The following AUTS2 variants were observed in gnomAD, a reference collection of about 807,000 sequenced individuals.
The protein encoded by AUTS2 is activator of transcription and developmental regulator AUTS2, also known as autism susceptibility gene 2 protein.
In AUTS2, 17 loss-of-function variants were observed where a neutral mutation model predicts 112.4. That is an observed-to-expected ratio of 0.15 (90% CI 0.10 to 0.23). AUTS2 has a LOEUF of 0.23. Among genes scored for constraint, AUTS2 ranks in the 10% least tolerant of loss-of-function variants. The probability of loss-of-function intolerance (pLI) is 1.00; values close to 1 mark genes in which losing one functional copy is unlikely to be tolerated. For synonymous variants in AUTS2, 751 were observed against 702.7 expected, an observed-to-expected ratio of 1.07 and a Z score of -1.09; for missense variants, 1,510 against 1,701.6, an observed-to-expected ratio of 0.89 and a Z score of 1.98.
At chr7:70,700,714 T>C (rs1238107576) in intron 6 of AUTS2, among the ~76,000 whole-genome samples, 1 of 152,184 alleles carries the variant, frequency 6.6e-6, no homozygotes, top group Non-Finnish European at 1.5e-5. Flanking sequence ...GTAGCGATAA[T>C]GTCAATAATT....
chr7:70,389,527 A>C (rs1793756555), intron 4 of AUTS2, among the ~76,000 whole-genome samples: 1 of 152,152 alleles, frequency 6.6e-6, no homozygotes, highest in South Asian at 2.1e-4. Context: ...TGAGCTCCAA[A>C]CTTTTCCTTG....
At chr7:70,620,812 G>A (rs1804632628) in intron 5 of AUTS2, among the ~76,000 whole-genome samples, 1 of 152,124 alleles carries the variant, frequency 6.6e-6, no homozygotes, top group African/African-American at 2.4e-5. Flanking sequence ...CCTCTTTGTT[G>A]TGTTTTTGTT....
rs147658431 is a variant in AUTS2 at position 70,570,227 on chromosome 7, C to T, written c.691-128342C>T. 1.3e-3 allele frequency among the ~76,000 whole-genome samples: 205 copies of T among 152,310 alleles called. 1 individual carries two copies. The highest frequency in any genetic ancestry group is 4.8e-3 in the African/African-American group (201 of 41,566). ...TCATACAAGTTTAAATCCTCGCTCA[C>T]TCCTGAATGAGGTGGTTGGGCTTGG... is the stretch of plus-strand genomic sequence containing the variant. On this transcript the variant is annotated intron_variant, in intron 5 of 18. Transcript: ENST00000342771.
Position 70,238,949 on chromosome 7 carries a change from T to G in AUTS2, c.660+104378T>G, listed in dbSNP as rs1036114801. On this transcript the variant is annotated intron_variant, in intron 4 of 18. Coordinates refer to ENST00000342771, the MANE Select transcript of AUTS2 (RefSeq NM_015570.4). Reference sequence around the variant, plus strand: ...ATTAGTAGAACTCCCTAATTAAGTATTTGCTTTGAGCAATAGAGCTCTTAT... The same window carrying G: ...ATTAGTAGAACTCCCTAATTAAGTAGTTGCTTTGAGCAATAGAGCTCTTAT... Among the ~76,000 whole-genome samples the G allele has an allele frequency of 4.6e-5, 7 of 152,268 alleles. No individual in the cohort carries two copies. The South Asian group carries it at 1.5e-3, about 32-fold the overall frequency.
intron 1 of AUTS2, among the ~76,000 whole-genome samples, chr7:69,895,592 T>C (rs901458961): frequency 6.9e-6 from 1 of 144,922 alleles, no homozygotes; most frequent in Non-Finnish European, 1.5e-5. Context: ...CTAAGATGAT[T>C]GTACTACTGC....
At chr7:70,108,783 C>CAAAAAAAAAAAAAAA (rs528009205) in intron 2 of AUTS2, among the ~76,000 whole-genome samples, 1 of 69,182 alleles carries the variant, frequency 1.4e-5, no homozygotes, top group African/African-American at 5.4e-5. Context: ...GCCAACATGG[C>CAAAAAAAAAAAAAAA]AAAAAAAAAA....
intron 5 of AUTS2, among the ~76,000 whole-genome samples, chr7:70,688,082 G>A (rs6946693): frequency 6.6e-6 from 1 of 151,986 alleles, no homozygotes; most frequent in Non-Finnish European, 1.5e-5. Flanking sequence ...AGTGGGCACC[G>A]AAGTCAAAAT....
chr7:70,607,102 C>G (rs1803823097), intron 5 of AUTS2, among the ~76,000 whole-genome samples: 1 of 152,094 alleles, frequency 6.6e-6, no homozygotes, highest in South Asian at 2.1e-4. Flanking sequence ...GGCCCAGGGG[C>G]CCCACTGCAC....
At chr7:69,659,050 C>A (rs138158756) in intron 1 of AUTS2, among the ~76,000 whole-genome samples, 2 of 152,320 alleles carry the variant, frequency 1.3e-5, no homozygotes, top group East Asian at 1.9e-4. Flanking sequence ...CAGCAACTGG[C>A]AGATGTTTGG....
chr7:69,774,437 C>T (rs1788807881), intron 1 of AUTS2, among the ~76,000 whole-genome samples: 1 of 152,168 alleles, frequency 6.6e-6, no homozygotes. Context: ...GTCCGGGATA[C>T]AGTCAAAAAT....
intron 2 of AUTS2, among the ~76,000 whole-genome samples, chr7:69,939,264 A>G (rs1299433253): frequency 6.6e-6 from 1 of 152,214 alleles, no homozygotes; most frequent in Non-Finnish European, 1.5e-5. Context: ...TCTCCTATTC[A>G]TTTCTAAGGA....
chr7:69,742,345 G>C (rs1787305424), intron 1 of AUTS2, among the ~76,000 whole-genome samples: 1 of 152,040 alleles, frequency 6.6e-6, no homozygotes, highest in Non-Finnish European at 1.5e-5. Context: ...TGGATACACA[G>C]TTCTAGGGGG....
chr7:70,723,064 G>C (rs149138058), intron 6 of AUTS2, among the ~76,000 whole-genome samples: 3 of 152,150 alleles, frequency 2.0e-5, no homozygotes, highest in African/African-American at 7.2e-5. Context: ...GGAAAGTGAC[G>C]AGTCGGGGAT....
intron 1 of AUTS2, among the ~76,000 whole-genome samples, chr7:69,656,588 A>G (rs559637938): frequency 9.2e-5 from 14 of 152,320 alleles, no homozygotes; most frequent in African/African-American, 3.1e-4. Flanking sequence ...TAGCATGGGA[A>G]TAAAAAGCTG....
chr7:70,486,008 TAAATA>T (rs368585740), intron 5 of AUTS2, among the ~76,000 whole-genome samples: 22,142 of 151,144 alleles, frequency 0.15, 1,640 homozygotes, highest in Middle Eastern at 0.19. Context: ...AAATAATAAA[TAAATA>T]AATAAATAAA....
chr7:70,646,571 G>A (rs187627253), intron 5 of AUTS2, among the ~76,000 whole-genome samples: 1 of 152,350 alleles, frequency 6.6e-6, no homozygotes, highest in Non-Finnish European at 1.5e-5. Context: ...CGCTGGAGGG[G>A]AGCCCACCGC....
intron 1 of AUTS2, among the ~76,000 whole-genome samples, chr7:69,804,436 A>G (rs138001638): frequency 6.6e-6 from 1 of 152,316 alleles, no homozygotes; most frequent in Non-Finnish European, 1.5e-5. Context: ...GGTTTACCTC[A>G]CTTGGTTCCT....
chr7:69,795,406 G>A (rs778811458), intron 1 of AUTS2, among the ~76,000 whole-genome samples: 5 of 152,124 alleles, frequency 3.3e-5, no homozygotes, highest in Non-Finnish European at 7.4e-5. Flanking sequence ...GTAGCCAGGC[G>A]GAGTGGCTCA....
At chr7:70,586,834 C>G (rs937104372) in intron 5 of AUTS2, among the ~76,000 whole-genome samples, 1 of 152,208 alleles carries the variant, frequency 6.6e-6, no homozygotes, top group Non-Finnish European at 1.5e-5. Context: ...CTTTATTTTA[C>G]TCTTCCTCCA....
Sources: gnomAD v4.1 joint callset for allele counts (sites outside exome capture counted in the v4.1 genomes callset) on GRCh38, gnomAD v4.1.1 for gene constraint, MANE v1.5 for transcripts, NCBI Gene and HGNC (gene_info 2026-07-23, HGNC 2026-07-21) for gene names.